The following IQGAP1 variants were observed in gnomAD, a reference collection of about 807,000 sequenced individuals.
The protein encoded by IQGAP1 is ras GTPase-activating-like protein IQGAP1.
IQGAP1 carries 66 observed loss-of-function variants against 215.6 expected under a neutral mutation model. The ratio of observed to expected loss-of-function variants is 0.31; its 90% confidence interval spans 0.25 to 0.38. IQGAP1 has a LOEUF of 0.38. IQGAP1 is among the 10% of genes least tolerant of loss of function. IQGAP1 has a pLI of 1.00. For synonymous variants in IQGAP1, 772 were observed against 728.7 expected, an observed-to-expected ratio of 1.06 and a Z score of -0.96; for missense variants, 1,712 against 1,997.1, an observed-to-expected ratio of 0.86 and a Z score of 2.72.
intron 2 of IQGAP1, among the ~76,000 whole-genome samples, chr15:90,409,149 C>T (rs1302853006): frequency 6.6e-6 from 1 of 152,094 alleles, no homozygotes; most frequent in Non-Finnish European, 1.5e-5. Context: ...TGAACATCCT[C>T]ACCCATTCAA....
rs1395084363 is a variant in IQGAP1, at chr15:90,481,982, C to G, written c.3352C>G (p.Pro1118Ala). 1 of 1,614,080 alleles carries G rather than the reference C, an allele frequency of 6.2e-7. No homozygotes were observed. The highest frequency in any genetic ancestry group is 1.7e-5 in the Admixed American group (1 of 60,002). ...CAGCAAACTGCCCTATGATGTGACC[C>G]CTGAGCAGGCGCTAGCTCATGAAGA... Reference protein sequence around the residue: ...EASKLPYDVTPEQALAHEEVK... With the variant: ...EASKLPYDVTAEQALAHEEVK... Residue 1118 changes from proline (P) to alanine (A), a missense_variant, in exon 27 of 38, where the codon CCT becomes GCT. By Grantham distance (27) the Pro-to-Ala change is conservative. This residue lies in a region of IQGAP1 where 691 missense variants were observed against 923.0 expected (regional missense o/e 0.75). Transcript: ENST00000268182.
At chr15:90,476,389 G>A (rs1000408737) in intron 23 of IQGAP1, among the ~76,000 whole-genome samples, 6 of 151,966 alleles carry the variant, frequency 3.9e-5, no homozygotes, top group South Asian at 2.1e-4. Flanking sequence ...AGCTTTTATT[G>A]TATTTAAGAC....
Position 90,390,794 on chromosome 15 carries a change from C to G in IQGAP1, c.76C>G (p.Leu26Val). 1 of 1,611,144 alleles carries G rather than the reference C, an allele frequency of 6.2e-7. No individual in the cohort carries two copies. The highest frequency in any genetic ancestry group is 8.5e-7 in the Non-Finnish European group (1 of 1,177,380). Residue 26 changes from leucine (L) to valine (V), a missense_variant, in exon 2 of 38, where the codon CTT becomes GTT. Around this residue, in one of 2 missense-constraint regions of IQGAP1, gnomAD observed 1,021 missense variants for 1,074.2 expected, o/e 0.95. Coordinates refer to ENST00000268182, the MANE Select transcript of IQGAP1 (RefSeq NM_003870.4). The stretch of plus-strand genomic sequence containing the variant: ...TGTAGCTGTCCTGGATAATGAAAGA[C>G]TTACTGCAGAGGAGATGGATGAAAG... Reference protein sequence around the residue: ...HYGSVLDNERLTAEEMDERRR... With the variant: ...HYGSVLDNERVTAEEMDERRR...
At chr15:90,446,987 G>C (rs1235318162) in intron 9 of IQGAP1, among the ~76,000 whole-genome samples, 2 of 152,118 alleles carry the variant, frequency 1.3e-5, no homozygotes, top group Admixed American at 1.3e-4. Context: ...TGCTTTTGTA[G>C]ATAGATAATC....
chr15:90,481,031 G>A (rs567560553), intron 26 of IQGAP1, among the ~76,000 whole-genome samples: 1 of 152,240 alleles, frequency 6.6e-6, no homozygotes, highest in Non-Finnish European at 1.5e-5. Context: ...TAAAACAACC[G>A]AAAGTCATGG....
In IQGAP1 at chr15:90,500,270, G is replaced by T; in HGVS notation, c.*162G>T. On this transcript the variant is annotated 3_prime_UTR_variant, in exon 38 of 38. Coordinates refer to ENST00000268182, the MANE Select transcript of IQGAP1 (RefSeq NM_003870.4). ...TTTTTAACTCCTCTCGCTCTGATGG[G>T]ACATTTGTTACCCTTTTTTCATAGT... 1.8e-6 allele frequency: 1 copy of T among 561,970 alleles called. No individual in the cohort carries two copies. Among genetic ancestry groups the T allele is most frequent in the Admixed American group, 3.0e-5 (1 of 33,252 alleles). 34.8% of individuals were successfully genotyped at this position (561,970 alleles called of 1,614,324 possible).
At chr15:90,388,510 G>T (rs1274284178) in intron 1 of IQGAP1, 114 bp downstream of exon 1, 7 of 951,900 alleles carry the variant, frequency 7.4e-6, no homozygotes, top group Non-Finnish European at 1.0e-5. Context: ...CCGGCAGCTC[G>T]GACCCGGAAG....
chr15:90,426,655 C>T (rs1965226747), intron 3 of IQGAP1, among the ~76,000 whole-genome samples: 7 of 152,008 alleles, frequency 4.6e-5, no homozygotes, highest in Admixed American at 3.3e-4. Context: ...GGAATTACCA[C>T]TTTAAATCTA....
chr15:90,484,675 A>G (rs1266900171), intron 30 of IQGAP1, among the ~76,000 whole-genome samples: 1 of 151,830 alleles, frequency 6.6e-6, no homozygotes, highest in Admixed American at 6.6e-5. Flanking sequence ...TGCCTGGCTA[A>G]ATTTTTTGAA....
intron 2 of IQGAP1, among the ~76,000 whole-genome samples, chr15:90,419,140 GAAAAA>G (rs200209041): frequency 1.8e-5 from 2 of 112,150 alleles, no homozygotes; most frequent in African/African-American, 6.7e-5. Context: ...TCTCAAAAAA[GAAAAA>G]AAAAAAAAAA....
At chr15:90,468,645 A>G (rs1965864713) in intron 18 of IQGAP1, among the ~76,000 whole-genome samples, 2 of 152,148 alleles carry the variant, frequency 1.3e-5, no homozygotes, top group Non-Finnish European at 2.9e-5. Flanking sequence ...AGCCTGGGCA[A>G]CATGGTGAAA....
chr15:90,492,368 C>T (rs1038324661), intron 34 of IQGAP1, among the ~76,000 whole-genome samples, 177 bp from the exon 35 acceptor site: 1 of 143,496 alleles, frequency 7.0e-6, no homozygotes, highest in African/African-American at 2.7e-5. Context: ...GAGGCTGAGG[C>T]TACAGGAAGC....
chr15:90,465,816 C>G (rs186712085), intron 15 of IQGAP1, among the ~76,000 whole-genome samples, 185 bp from the exon 16 acceptor site: 1 of 152,286 alleles, frequency 6.6e-6, no homozygotes, highest in African/African-American at 2.4e-5. Context: ...AGGTGTGAGT[C>G]ACTGCATCCA....
intron 2 of IQGAP1, among the ~76,000 whole-genome samples, chr15:90,409,734 C>G (rs922055732): frequency 6.6e-6 from 1 of 152,130 alleles, no homozygotes; most frequent in Non-Finnish European, 1.5e-5. Context: ...TTCCTTTTCC[C>G]CATTGAAATT....
intron 33 of IQGAP1, 47 bp downstream of exon 33, chr15:90,487,629 T>G: frequency 1.5e-5 from 19 of 1,270,334 alleles, no homozygotes; most frequent in East Asian, 2.3e-5. Context: ...AGATAAGCTC[T>G]CCCGATAGGC....
At chr15:90,430,022 A>G (rs1212377145) in intron 4 of IQGAP1, among the ~76,000 whole-genome samples, 1 of 152,214 alleles carries the variant, frequency 6.6e-6, no homozygotes, top group African/African-American at 2.4e-5. Context: ...AAAGTTGTTA[A>G]CATTAAAATT....
intron 3 of IQGAP1, among the ~76,000 whole-genome samples, chr15:90,429,105 G>T (rs912075076): frequency 6.6e-6 from 1 of 152,088 alleles, no homozygotes; most frequent in South Asian, 2.1e-4. Flanking sequence ...TGTCCACCTC[G>T]GCCTGCCAAT....
intron 2 of IQGAP1, among the ~76,000 whole-genome samples, chr15:90,417,631 T>G (rs1965071872): frequency 6.6e-6 from 1 of 152,242 alleles, no homozygotes; most frequent in Non-Finnish European, 1.5e-5. Flanking sequence ...TAGTATAGTT[T>G]GAAGTCAGGT....
intron 2 of IQGAP1, 138 bp from the exon 3 acceptor site, chr15:90,425,972 G>A (rs1965215472): frequency 5.2e-6 from 4 of 764,846 alleles, no homozygotes. Flanking sequence ...GAAAGGATGT[G>A]TGTGGAACTG....
Sources: gnomAD v4.1 joint callset for allele counts (sites outside exome capture counted in the v4.1 genomes callset) on GRCh38, gnomAD v4.1.1 for gene constraint, gnomAD v4.1.1 regional missense constraint, MANE v1.5 for transcripts, NCBI Gene and HGNC (gene_info 2026-07-23, HGNC 2026-07-21) for gene names.